ROBO1: variants seen among roughly 807,000 people sequenced by gnomAD.
The protein encoded by ROBO1 is roundabout guidance receptor 1, also known as roundabout homolog 1.
Under a neutral mutation model 195.9 loss-of-function variants are expected in ROBO1, and 149 were observed. The observed-to-expected ratio is 0.76, with a 90% CI of 0.67 to 0.87. The LOEUF (loss-of-function observed/expected upper bound fraction) is 0.87. Ranked by LOEUF, ROBO1 falls within the 40% of genes least tolerant of loss-of-function variation. The pLI is 0.00. For synonymous variants in ROBO1, 816 were observed against 733.2 expected (o/e 1.11, Z -1.82); for missense variants, 1,933 against 2,068.3 (o/e 0.93, Z 1.27).
rs373822048 is a variant in ROBO1 at position 79,087,789 on chromosome 3, A to C, written c.172+37667T>G. ...CTTTTGTTGGAGAAACAAAAGGTGT[A>C]ATAAAGACAACTTGAGTAGCCTAAC... On this transcript the variant is annotated intron_variant, in intron 3 of 30. Transcript: ENST00000464233. Among the ~76,000 whole-genome samples the C allele has an allele frequency of 3.3e-5, 5 of 152,250 alleles. No individual in the cohort carries two copies. In the East Asian group the frequency reaches 9.7e-4, roughly 29 times the overall value.
intron 3 of ROBO1, among the ~76,000 whole-genome samples, chr3:79,101,494 G>A (rs940433166): frequency 4.6e-5 from 7 of 151,794 alleles, no homozygotes; most frequent in South Asian, 2.1e-4. Context: ...CCTGCCTAGC[G>A]GTTGCCTCTC....
At chr3:79,714,145 T>G (rs2107248975) in intron 1 of ROBO1, among the ~76,000 whole-genome samples, 1 of 152,138 alleles carries the variant, frequency 6.6e-6, no homozygotes, top group Non-Finnish European at 1.5e-5. Context: ...TCAAACAAAT[T>G]TATAAGACAA....
intron 3 of ROBO1, among the ~76,000 whole-genome samples, chr3:78,979,763 G>T (rs1331582368): frequency 6.6e-6 from 1 of 151,834 alleles, no homozygotes. Flanking sequence ...CAAAAAGGTG[G>T]GAGGGGGAAG....
chr3:79,233,182 G>A (rs1388979583), intron 2 of ROBO1, among the ~76,000 whole-genome samples: 1 of 151,948 alleles, frequency 6.6e-6, no homozygotes, highest in Non-Finnish European at 1.5e-5. Context: ...AAGAGGAGGA[G>A]AAGGAAAGGC....
rs191202577 is a variant in ROBO1, at chr3:79,684,449, A to G, written c.-51+83303T>C. The stretch of plus-strand genomic sequence containing the variant: ...TCTAGTTAGTGAGACATATTTTCCC[A>G]CTTAACTTTTGTTTTTTACAGGTGG... On this transcript the variant is annotated intron_variant, in intron 1 of 30. Transcript: ENST00000464233. Among the ~76,000 whole-genome samples, 357 of 151,766 alleles carry G rather than the reference A, an allele frequency of 2.4e-3. 1 individual carries two copies. The highest frequency in any genetic ancestry group is 8.5e-3 in the African/African-American group (351 of 41,380).
At chr3:79,577,640 C>T (rs929753494) in intron 2 of ROBO1, among the ~76,000 whole-genome samples, 1 of 151,500 alleles carries the variant, frequency 6.6e-6, no homozygotes, top group Admixed American at 6.6e-5. Context: ...CTATGGGAGG[C>T]CAAGGCGGGC....
intron 1 of ROBO1, among the ~76,000 whole-genome samples, chr3:79,709,787 C>T (rs377350258): frequency 1.3e-5 from 2 of 152,236 alleles, no homozygotes; most frequent in Admixed American, 6.5e-5. Flanking sequence ...ATCATCACTT[C>T]CATTACCATT....
chr3:79,290,920 T>A (rs896014749), intron 2 of ROBO1, among the ~76,000 whole-genome samples: 3 of 152,182 alleles, frequency 2.0e-5, no homozygotes, highest in Non-Finnish European at 4.4e-5. Context: ...ATTGAACTAT[T>A]CTATATTTTC....
At chr3:78,688,593 A>T in intron 9 of ROBO1, 55 bp downstream of exon 9, 1 of 1,492,670 alleles carries the variant, frequency 6.7e-7, no homozygotes, top group Middle Eastern at 1.8e-4. Context: ...CTTCTCATAC[A>T]TCTTGGCAAC....
intron 1 of ROBO1, among the ~76,000 whole-genome samples, chr3:79,616,532 T>C (rs910806795): frequency 1.3e-5 from 2 of 152,034 alleles, no homozygotes; most frequent in African/African-American, 4.8e-5. Flanking sequence ...GGAAACCAGA[T>C]AACATGGTCT....
chr3:79,674,109 A>C (rs1478018825), intron 1 of ROBO1, among the ~76,000 whole-genome samples: 1 of 152,022 alleles, frequency 6.6e-6, no homozygotes, highest in Non-Finnish European at 1.5e-5. Context: ...TTTATGAAAC[A>C]ATAAGCAAGT....
chr3:79,020,792 C>T (rs1376036439), intron 3 of ROBO1, among the ~76,000 whole-genome samples: 2 of 151,922 alleles, frequency 1.3e-5, no homozygotes, highest in African/African-American at 4.8e-5. Context: ...GAGTTGTGTA[C>T]CATAACTTCA....
At chr3:79,071,742 A>G (rs199985155) in intron 3 of ROBO1, among the ~76,000 whole-genome samples, 25 of 150,734 alleles carry the variant, frequency 1.7e-4, no homozygotes, top group East Asian at 3.9e-4. Flanking sequence ...ACACACACGC[A>G]CACACACACA....
At chr3:79,193,970 T>C (rs150930030) in intron 2 of ROBO1, among the ~76,000 whole-genome samples, 1 of 151,760 alleles carries the variant, frequency 6.6e-6, no homozygotes, top group Admixed American at 6.6e-5. Flanking sequence ...AATCATAAAA[T>C]GCAAGTTTTC....
intron 2 of ROBO1, among the ~76,000 whole-genome samples, chr3:79,482,496 A>G (rs983369417): frequency 1.3e-5 from 2 of 152,126 alleles, no homozygotes; most frequent in Non-Finnish European, 2.9e-5. Flanking sequence ...GCTGCCATCT[A>G]AGACATCATT....
intron 2 of ROBO1, among the ~76,000 whole-genome samples, chr3:79,276,082 C>A (rs1041889659): frequency 9.2e-5 from 14 of 151,934 alleles, no homozygotes; most frequent in South Asian, 2.1e-4. Flanking sequence ...CAATCCCTAT[C>A]AAAATATCAA....
In ROBO1 at chr3:79,135,096, G is replaced by A. The variant is rs569189237; in HGVS notation, c.89-9557C>T. 1.6e-3 allele frequency among the ~76,000 whole-genome samples: 248 copies of A among 151,522 alleles called. 2 individuals are homozygous for A. Among genetic ancestry groups the A allele is most frequent in the African/African-American group, 5.4e-3 (224 of 41,292 alleles). The stretch of plus-strand genomic sequence containing the variant: ...TTAGAGAAGGTCAAGACTATAATAC[G>A]TTCTTATTAAACATAGTCATCATGT... On this transcript the variant is annotated intron_variant, in intron 2 of 30. Coordinates refer to ENST00000464233, the MANE Select transcript of ROBO1 (RefSeq NM_002941.4).
At chr3:78,817,662 G>T (rs2030235133) in intron 4 of ROBO1, among the ~76,000 whole-genome samples, 1 of 152,118 alleles carries the variant, frequency 6.6e-6, no homozygotes, top group Non-Finnish European at 1.5e-5. Flanking sequence ...AAAGCAAGAA[G>T]ATTTACATGG....
intron 2 of ROBO1, among the ~76,000 whole-genome samples, chr3:79,517,063 C>A (rs1940979830): frequency 3.3e-5 from 5 of 152,152 alleles, no homozygotes; most frequent in Admixed American, 3.3e-4. Flanking sequence ...TACCATAAGA[C>A]TCTTTCTGTT....
Sources: allele counts gnomAD v4.1 joint callset (sites outside exome capture counted in the v4.1 genomes callset), GRCh38; gene constraint gnomAD v4.1.1; transcripts MANE v1.5; gene names NCBI Gene and HGNC (gene_info 2026-07-23, HGNC 2026-07-21).